TRIM21: variants seen among roughly 807,000 people sequenced by gnomAD.
TRIM21 encodes tripartite motif containing 21.
A neutral mutation model predicts 36.1 loss-of-function variants in TRIM21; 35 were observed. That is an observed-to-expected ratio of 0.97 (90% CI 0.74 to 1.28). The LOEUF (loss-of-function observed/expected upper bound fraction) is 1.28, where lower values mean the gene tolerates loss of function less well. Ranked by LOEUF, TRIM21 falls within the 50% of genes most tolerant of loss-of-function variation. TRIM21 has a pLI of 0.00. For synonymous variants in TRIM21, 256 were observed against 211.5 expected, an observed-to-expected ratio of 1.21 and a Z score of -1.83; for missense variants, 635 against 570.7, an observed-to-expected ratio of 1.11 and a Z score of -1.15.
chr11:4,393,386 T>G (rs1461406786), intron 1 of TRIM21, among the ~76,000 whole-genome samples: 1 of 149,402 alleles, frequency 6.7e-6, no homozygotes, highest in Non-Finnish European at 1.5e-5. Context: ...TCCTCCCAGG[T>G]AGGGGGCAGC....
intron 1 of TRIM21, among the ~76,000 whole-genome samples, chr11:4,392,122 C>G (rs145390262): frequency 6.6e-6 from 1 of 151,942 alleles, no homozygotes; most frequent in Non-Finnish European, 1.5e-5. Flanking sequence ...GTGATAGATG[C>G]CCCACTTACC....
intron 4 of TRIM21, 83 bp from the exon 5 acceptor site, chr11:4,387,073 C>A: frequency 7.0e-7 from 1 of 1,431,428 alleles, no homozygotes; most frequent in Non-Finnish European, 9.6e-7. Flanking sequence ...TGTGATCCAT[C>A]TTTGGTCCCT....
intron 1 of TRIM21, among the ~76,000 whole-genome samples, chr11:4,392,289 A>G (rs190716391): frequency 2.6e-5 from 4 of 152,298 alleles, no homozygotes; most frequent in Non-Finnish European, 4.4e-5. Context: ...ATAATGGGTC[A>G]GGCACGGTGG....
intron 4 of TRIM21, 65 bp from the exon 5 acceptor site, chr11:4,387,055 G>A: frequency 1.3e-6 from 2 of 1,494,540 alleles, no homozygotes; most frequent in South Asian, 2.4e-5. Context: ...CATCAGCCCT[G>A]TGGGTGATGT....
Position 4,389,638 on chromosome 11 carries a change from AG to A in TRIM21, c.504+15del. The A allele has an allele frequency of 6.2e-7, 1 of 1,609,208 alleles. No individual in the cohort carries two copies. The highest frequency in any genetic ancestry group is 8.5e-7 in the Non-Finnish European group (1 of 1,175,586). Reference sequence around the variant, plus strand: ...AGCCTTCCAGCCTAAGATCTCCTTCAGGATGTCATTCTTACCTTCCAGTCTG... The same window carrying A: ...AGCCTTCCAGCCTAAGATCTCCTTCAGATGTCATTCTTACCTTCCAGTCTG... On this transcript the variant is annotated intron_variant, in intron 3 of 6. Transcript: ENST00000254436.
chr11:4,389,795 T>A (rs2094960590), intron 2 of TRIM21, 46 bp from the exon 3 acceptor site: 1 of 1,570,962 alleles, frequency 6.4e-7, no homozygotes, highest in African/African-American at 1.4e-5. Flanking sequence ...AACCAAGTAA[T>A]AGGGTGGGGT....
In TRIM21 at chr11:4,392,342, G is replaced by A. The variant is rs2094963956; in HGVS notation, c.-50+1291C>T. Among the ~76,000 whole-genome samples the A allele has an allele frequency of 2.0e-5, 3 of 152,304 alleles. No homozygotes were observed. In the South Asian group the frequency reaches 6.2e-4, roughly 32 times the overall value. ...AGCACTTTGGGAGGCCGAGGTGGGT[G>A]GATCACCTTAGGTCAGGAGTTCAAG... is the stretch of plus-strand genomic sequence containing the variant. On this transcript the variant is annotated intron_variant, in intron 1 of 6. Coordinates refer to ENST00000254436, the MANE Select transcript of TRIM21 (RefSeq NM_003141.4).
rs2094965443 is a variant in TRIM21 at position 4,393,378 on chromosome 11, C to T, written c.-50+255G>A. On this transcript the variant is annotated intron_variant, in intron 1 of 6. Coordinates refer to ENST00000254436, the MANE Select transcript of TRIM21 (RefSeq NM_003141.4). Reference sequence around the variant, plus strand: ...ACAGTCACGTCCACAACCCAGCCTCCTCCCAGGTAGGGGGCAGCCGGGCCC... The same window carrying T: ...ACAGTCACGTCCACAACCCAGCCTCTTCCCAGGTAGGGGGCAGCCGGGCCC... 2.0e-5 allele frequency among the ~76,000 whole-genome samples: 3 copies of T among 151,928 alleles called. No individual in the cohort carries two copies. In the South Asian group the frequency reaches 6.2e-4, roughly 32 times the overall value.
chr11:4,393,378 C>CT (rs1361279554), intron 1 of TRIM21, among the ~76,000 whole-genome samples: 5 of 151,814 alleles, frequency 3.3e-5, no homozygotes, highest in African/African-American at 1.2e-4. Context: ...ACCCAGCCTC[C>CT]TCCCAGGTAG....
Position 4,385,505 on chromosome 11 carries a change from G to A in TRIM21, c.1208C>T (p.Pro403Leu), listed in dbSNP as rs2094955221. The A allele has an allele frequency of 6.2e-7, 1 of 1,611,874 alleles. No individual in the cohort carries two copies. Residue 403 changes from proline to leucine, a missense_variant, in exon 7 of 7, where the codon CCT (proline) becomes CTT (leucine). Transcript: ENST00000254436. Reference sequence around the variant, plus strand: ...CAGGAAAATCCCAACTTGGCATGGAGGCACCTGAAGGTGGAGGGGAGTCTG... The same window carrying A: ...CAGGAAAATCCCAACTTGGCATGGAAGCACCTGAAGGTGGAGGGGAGTCTG... Reference protein sequence around the residue: ...YPQTPLHLQVPPCQVGIFLDY... With the variant: ...YPQTPLHLQVLPCQVGIFLDY...
At chr11:4,386,420 G>A (rs1280952373) in intron 5 of TRIM21, 163 bp from the exon 6 acceptor site, 37 of 692,692 alleles carry the variant, frequency 5.3e-5, no homozygotes, top group Admixed American at 1.1e-4. Context: ...AAACAATGCA[G>A]GATTTAGTTT....
chr11:4,389,239 T>C (rs890419), intron 3 of TRIM21, among the ~76,000 whole-genome samples: 67,038 of 152,052 alleles, frequency 0.44, 15,544 homozygotes, highest in East Asian at 0.7. Flanking sequence ...AGTAACCACC[T>C]GGTCAGATGG....
chr11:4,386,123 C>T, intron 6 of TRIM21, 34 bp downstream of exon 6: 1 of 1,599,708 alleles, frequency 6.3e-7, no homozygotes, highest in Non-Finnish European at 8.6e-7. Context: ...ACTCTGCACC[C>T]CATTATCCCC....
Position 4,390,369 on chromosome 11 carries a change from AC to A in TRIM21, c.40del (p.Val14SerfsTer14). ...GGGGTCCAGGCAGATAGGGCATGTG[AC>A]CTCCTCCCACATCATTGTCAAGCGT... is the stretch of plus-strand genomic sequence containing the variant. ...AARLTMMWEE[V>X]TCPICLDPFV... On this transcript the variant is annotated frameshift_variant, in exon 2 of 7. Transcript: ENST00000254436. LOFTEE classifies it high-confidence loss of function. 1.2e-6 allele frequency: 2 copies of A among 1,612,456 alleles called. No individual in the cohort carries two copies. The highest frequency in any genetic ancestry group is 1.7e-6 in the Non-Finnish European group (2 of 1,178,822).
intron 1 of TRIM21, among the ~76,000 whole-genome samples, chr11:4,391,643 G>A (rs865947091): frequency 2.0e-5 from 3 of 152,118 alleles, no homozygotes; most frequent in East Asian, 3.9e-4. Flanking sequence ...ACTGCAGCAC[G>A]TTTCACAATA....
chr11:4,385,804 T>C lies in TRIM21; in HGVS notation c.909A>G (p.Ser303=), dbSNP rs2094955655. 5 of 1,613,400 alleles carry C rather than the reference T, an allele frequency of 3.1e-6. No individual in the cohort carries two copies. The East Asian group carries it at 8.9e-5, about 29-fold the overall frequency. Reference sequence around the variant, plus strand: ...CAAGCCTCACTTGTCTCCGATCTTCTGAAAGTATCAGCCACGGATTGGCTG... The same window carrying C: ...CAAGCCTCACTTGTCTCCGATCTTCCGAAAGTATCAGCCACGGATTGGCTG... ...PDTANPWLIL[S]EDRRQVRLGD... is the part of the protein sequence containing the mutation. Residue 303 remains serine, a synonymous_variant, in exon 7 of 7, where the codon TCA becomes TCG. Transcript: ENST00000254436.
In TRIM21 at chr11:4,385,332, T is replaced by A. The variant is rs748768606; in HGVS notation, c.1381A>T (p.Thr461Ser). The A allele has an allele frequency of 1.2e-6, 2 of 1,613,092 alleles. No individual in the cohort carries two copies. The highest frequency in any genetic ancestry group is 1.7e-6 in the Non-Finnish European group (2 of 1,179,804). Reference protein sequence around the residue: ...NDGGKNTAPLTLCPLNIGSQG... With the variant: ...NDGGKNTAPLSLCPLNIGSQG... ...GATCCAATATTCAGTGGACAGAGGG[T>A]TAGAGGGGCTGTGTTTTTTCCTCCA... Residue 461 changes from threonine to serine, a missense_variant, in exon 7 of 7, where the codon ACC (threonine) becomes TCC (serine). Physicochemically the swap from Thr to Ser is moderately conservative, Grantham distance 58 (BLOSUM62 1). Transcript: ENST00000254436.
Position 4,388,363 on chromosome 11 carries a change from G to A in TRIM21, c.672C>T (p.Ala224=), listed in dbSNP as rs2094958863. ...CTAGCTCTGAGATGAGCTCCTGTAGGGCCTGGCTCTGCTGGGCCAGCTTGG... is the reference window on the plus strand; with the variant it reads ...CTAGCTCTGAGATGAGCTCCTGTAGAGCCTGGCTCTGCTGGGCCAGCTTGG... The part of the protein sequence containing the change: ...KEAKLAQQSQ[A]LQELISELDR... The change falls in exon 4 of 7, where the codon GCC becomes GCT. Residue 224 remains alanine (A), a synonymous_variant. Transcript: ENST00000254436. The A allele has an allele frequency of 6.2e-7, 1 of 1,613,918 alleles. No homozygotes were observed. The highest frequency in any genetic ancestry group is 8.5e-7 in the Non-Finnish European group (1 of 1,179,878).
rs766746377 is a variant in TRIM21 at position 4,389,656 on chromosome 11, T to C, written c.502A>G (p.Lys168Glu). Residue 168 changes from lysine to glutamate, a missense_variant and splice_region_variant, in exon 3 of 7, where the codon AAG becomes GAG. Lys to Glu is a moderately conservative substitution (Grantham distance 56, BLOSUM62 1). Transcript: ENST00000254436. Reference sequence around the variant, plus strand: ...CTCCTTCAGGATGTCATTCTTACCTTCCAGTCTGCTCTCTTTATTGCAATT... The same window carrying C: ...CTCCTTCAGGATGTCATTCTTACCTCCCAGTCTGCTCTCTTTATTGCAATT... Reference protein sequence around the residue: ...VEIAIKRADWKKTVETQKSRI... With the variant: ...VEIAIKRADWEKTVETQKSRI... 42 of 1,613,662 alleles carry C rather than the reference T, an allele frequency of 2.6e-5. No individual in the cohort carries two copies. The highest frequency in any genetic ancestry group is 3.6e-5 in the Non-Finnish European group (42 of 1,179,634).
Sources: allele counts gnomAD v4.1 joint callset (sites outside exome capture counted in the v4.1 genomes callset), GRCh38; gene constraint gnomAD v4.1.1; transcripts MANE v1.5; gene names NCBI Gene and HGNC (gene_info 2026-07-23, HGNC 2026-07-21).